AMPD3: variants seen among roughly 807,000 people sequenced by gnomAD.
The protein encoded by AMPD3 is AMP deaminase 3.
Under a neutral mutation model 82.3 loss-of-function variants are expected in AMPD3, and 57 were observed. The observed-to-expected ratio is 0.69, with a 90% CI of 0.56 to 0.86. AMPD3 has a LOEUF of 0.86. AMPD3 is among the 40% of genes least tolerant of loss of function. The pLI is 0.00. For missense variants in AMPD3, 870 were observed against 1,003.8 expected (o/e 0.87, Z 1.80); for synonymous variants, 381 against 394.7 (o/e 0.97, Z 0.41).
chr11:10,450,993 C>T (rs752872408), upstream of AMPD3: 13 of 1,571,568 alleles, frequency 8.3e-6, no homozygotes, highest in East Asian at 2.6e-4. Context: ...TTTGCTCCAG[C>T]CCTGCGGCCG....
Position 10,476,537 on chromosome 11 carries a change from C to T in AMPD3, c.222-1989C>T, listed in dbSNP as rs1377721399. The stretch of plus-strand genomic sequence containing the variant: ...AGCTGTTGCTCACCTTAGATGTCAC[C>T]TGTTGCTTCTTGTTGGTAGGACCAG... On this transcript the variant is annotated intron_variant, in intron 2 of 14. Transcript: ENST00000396553. Among the ~76,000 whole-genome samples, 11 of 151,828 alleles carry T rather than the reference C, an allele frequency of 7.2e-5. 1 individual carries two copies. Among genetic ancestry groups the T allele is most frequent in the Admixed American group, 7.2e-4 (11 of 15,234 alleles).
chr11:10,464,707 C>T (rs10840419), intron 2 of AMPD3, among the ~76,000 whole-genome samples: 36,222 of 152,176 alleles, frequency 0.24, 4,972 homozygotes, highest in East Asian at 0.68. Context: ...TTTCTCTTCT[C>T]ACTAGAGGTG....
At chr11:10,463,445 A>G (rs1468204386) in intron 2 of AMPD3, among the ~76,000 whole-genome samples, 1 of 152,200 alleles carries the variant, frequency 6.6e-6, no homozygotes, top group African/African-American at 2.4e-5. Flanking sequence ...TGGAGGGTCA[A>G]GAAGAGTATG....
intron 2 of AMPD3, chr11:10,478,138 A>G (rs574490148): frequency 1.3e-4 from 124 of 985,406 alleles, no homozygotes; most frequent in Non-Finnish European, 1.3e-4. Context: ...TGAAGCCAGC[A>G]TGCTGTCCAC....
intron 2 of AMPD3, among the ~76,000 whole-genome samples, chr11:10,469,825 G>A (rs929014908): frequency 4.6e-5 from 7 of 152,044 alleles, no homozygotes; most frequent in African/African-American, 2.4e-5. Flanking sequence ...AGATCACGAG[G>A]TCAGGAGATC....
chr11:10,490,736 G>C, intron 6 of AMPD3: 1 of 825,064 alleles, frequency 1.2e-6, no homozygotes, highest in Non-Finnish European at 1.5e-6. Context: ...GTAAGCCAGA[G>C]GACAGGACCA....
At chr11:10,461,480 C>T in intron 1 of AMPD3, 35 bp from the exon 2 acceptor site, 1 of 1,613,720 alleles carries the variant, frequency 6.2e-7, no homozygotes, top group Non-Finnish European at 8.5e-7. Context: ...TGACTCAGGG[C>T]ATCCTGCAAT....
upstream of AMPD3, among the ~76,000 whole-genome samples, chr11:10,453,542 A>G (rs1848011996): frequency 6.6e-6 from 1 of 151,932 alleles, no homozygotes; most frequent in South Asian, 2.1e-4. Flanking sequence ...ATGCAAGCTC[A>G]TGCCTGGCTT....
chr11:10,468,714 T>C (rs987007604), intron 2 of AMPD3, among the ~76,000 whole-genome samples: 6 of 152,228 alleles, frequency 3.9e-5, no homozygotes, highest in African/African-American at 4.8e-5. Context: ...TCATCACACT[T>C]ACTTTAAAAT....
At chr11:10,487,020 T>C (rs1849091344) in intron 5 of AMPD3, 1 of 984,198 alleles carries the variant, frequency 1.0e-6, no homozygotes. Context: ...GCTGGCCTGC[T>C]ACTGCCCCAT....
rs116349349 is a variant in AMPD3 at position 10,456,247 on chromosome 11, T to G, written c.-6+799T>G. On this transcript the variant is annotated intron_variant, in intron 1 of 14. Transcript: ENST00000396553. This position sits in a 1 kb window ranked among gnomAD's most constrained non-coding sequence, Gnocchi z 4.3. ...TCTGGCTCACTGCTGCTCACAGATA[T>G]GCAAAACAGAGACCTCCTACTCCAG... 4.0e-6 allele frequency: 6 copies of G among 1,518,870 alleles called. No individual in the cohort carries two copies. In the African/African-American group the frequency reaches 5.5e-5, roughly 14 times the overall value. The allele number at this position is 1,518,870 out of a possible 1,614,324, so 94.1% of individuals were successfully genotyped here.
At chr11:10,466,556 T>G (rs1390116039) in intron 2 of AMPD3, among the ~76,000 whole-genome samples, 1 of 152,040 alleles carries the variant, frequency 6.6e-6, no homozygotes, top group Non-Finnish European at 1.5e-5. Flanking sequence ...GACTTATAGA[T>G]AAAACCCCCA....
chr11:10,455,478 C>T (rs936149786), intron 1 of AMPD3, 30 bp downstream of exon 1: 34 of 976,474 alleles, frequency 3.5e-5, no homozygotes, highest in South Asian at 9.5e-5. Context: ...GGGTGGGCTC[C>T]GGTGGGTCAG....
chr11:10,497,906 A>T (rs1412018598), intron 10 of AMPD3: 1 of 920,378 alleles, frequency 1.1e-6, no homozygotes, highest in Non-Finnish European at 1.3e-6. Context: ...CAGTAAGCGG[A>T]ATTATTATGT....
intron 4 of AMPD3, among the ~76,000 whole-genome samples, chr11:10,483,027 A>G (rs548345075): frequency 6.6e-6 from 1 of 152,338 alleles, no homozygotes; most frequent in Non-Finnish European, 1.5e-5. Context: ...CTCACTTTGT[A>G]AAATGTAATC....
At chr11:10,495,156 G>C in intron 8 of AMPD3, 126 bp downstream of exon 8, 2 of 1,600,382 alleles carry the variant, frequency 1.2e-6, no homozygotes, top group Non-Finnish European at 1.7e-6. Flanking sequence ...TCAGGGAAGG[G>C]TGAGGTGCCC....
chr11:10,458,754 T>C (rs1383298198), intron 1 of AMPD3, among the ~76,000 whole-genome samples: 1 of 152,248 alleles, frequency 6.6e-6, no homozygotes. Flanking sequence ...TGCAGGTAAA[T>C]ATCCTTGTGC....
At chr11:10,478,947 G>A (rs1212172811) in intron 3 of AMPD3, among the ~76,000 whole-genome samples, 6 of 151,994 alleles carry the variant, frequency 3.9e-5, no homozygotes, top group East Asian at 1.9e-4. Context: ...GGAGGGTCCC[G>A]GGGTGCAGGC....
At position 10,481,349 on chromosome 11, in the gene AMPD3, G is replaced by A. The variant is rs999598590; in HGVS notation, c.427-714G>A. Reference sequence around the variant, plus strand: ...ATGAATTTTCTCAACTGAAAATGACGGTGCTCATCGCCTTCAGGGATAGGA... The same window carrying A: ...ATGAATTTTCTCAACTGAAAATGACAGTGCTCATCGCCTTCAGGGATAGGA... On this transcript the variant is annotated intron_variant, in intron 3 of 14. Coordinates refer to ENST00000396553, the MANE Select transcript of AMPD3 (RefSeq NM_001025389.2). The A allele has an allele frequency of 5.9e-5, 43 of 728,254 alleles. No homozygotes were observed. The African/African-American group carries it at 7.2e-4, about 12-fold the overall frequency. 45.1% of individuals were successfully genotyped at this position (728,254 alleles called of 1,614,324 possible).
Sources: gnomAD v4.1 joint callset for allele counts (sites outside exome capture counted in the v4.1 genomes callset) on GRCh38, gnomAD v4.1.1 for gene constraint, Gnocchi (gnomAD v3.1) non-coding constraint, MANE v1.5 for transcripts, NCBI Gene and HGNC (gene_info 2026-07-23, HGNC 2026-07-21) for gene names.